The following FHOD3 variants were observed in gnomAD, a reference collection of about 807,000 sequenced individuals.
The protein encoded by FHOD3 is formin homology 2 domain containing 3.
In FHOD3, 90 loss-of-function variants were observed where a neutral mutation model predicts 173.0. That is an observed-to-expected ratio of 0.52 (90% CI 0.44 to 0.62). The LOEUF (loss-of-function observed/expected upper bound fraction) is 0.62. Among genes scored for constraint, FHOD3 ranks in the 20% least tolerant of loss-of-function variants. The pLI is 0.00. For synonymous variants in FHOD3, 828 were observed against 823.0 expected (o/e 1.01, Z -0.10); for missense variants, 1,945 against 2,034.7 (o/e 0.96, Z 0.85).
At chr18:36,414,067 G>C (rs1289354691) in intron 3 of FHOD3, among the ~76,000 whole-genome samples, 1 of 152,190 alleles carries the variant, frequency 6.6e-6, no homozygotes, top group Non-Finnish European at 1.5e-5. Context: ...AAGAGGACTT[G>C]AGGTTTTATA....
At chr18:36,728,584 G>A (rs543181349) in intron 19 of FHOD3, among the ~76,000 whole-genome samples, 1 of 150,432 alleles carries the variant, frequency 6.6e-6, no homozygotes, top group East Asian at 2.0e-4. Context: ...TTCAGTTGTT[G>A]TTGTTGGGTT....
At chr18:36,761,308 TGGC>T (rs2042867907) in intron 27 of FHOD3, among the ~76,000 whole-genome samples, 2 of 152,190 alleles carry the variant, frequency 1.3e-5, no homozygotes, top group Admixed American at 6.5e-5. Context: ...AACTTCAAAA[TGGC>T]GGCCAGATTC....
intron 5 of FHOD3, among the ~76,000 whole-genome samples, chr18:36,544,892 AAAC>A (rs1440632868): frequency 8.5e-5 from 13 of 152,218 alleles, no homozygotes; most frequent in African/African-American, 3.1e-4. Flanking sequence ...AAAATTAGAC[AAAC>A]AACCTAACTT....
At chr18:36,686,804 G>C (rs867703585) in intron 15 of FHOD3, among the ~76,000 whole-genome samples, 2 of 152,076 alleles carry the variant, frequency 1.3e-5, no homozygotes, top group Non-Finnish European at 2.9e-5. Context: ...GCTTGTTATT[G>C]CTGTATTTTA....
At chr18:36,400,670 TCTCA>T (rs1238231381) in intron 3 of FHOD3, among the ~76,000 whole-genome samples, 1 of 152,168 alleles carries the variant, frequency 6.6e-6, no homozygotes, top group African/African-American at 2.4e-5. Context: ...GTGGAGTTCT[TCTCA>T]CTCAGTGCAT....
intron 6 of FHOD3, among the ~76,000 whole-genome samples, chr18:36,592,722 C>T (rs1436225320): frequency 1.3e-5 from 2 of 152,122 alleles, no homozygotes; most frequent in Non-Finnish European, 2.9e-5. Context: ...GCAAACCCTT[C>T]CCAGTGCTTA....
chr18:36,326,755 A>G (rs1181853422), intron 1 of FHOD3, among the ~76,000 whole-genome samples: 1 of 152,160 alleles, frequency 6.6e-6, no homozygotes, highest in Non-Finnish European at 1.5e-5. Flanking sequence ...TGTCTCTTTT[A>G]TTTTTAAAAT....
chr18:36,492,098 G>A (rs1389139281), intron 3 of FHOD3, among the ~76,000 whole-genome samples: 1 of 152,176 alleles, frequency 6.6e-6, no homozygotes, highest in African/African-American at 2.4e-5. Context: ...GAATCTGGAT[G>A]ATATCTGATC....
In FHOD3 at chr18:36,612,075, G is replaced by C; in HGVS notation, c.937G>C (p.Glu313Gln). ...GAAAGGGACTGACCTGGACTTAGTG[G>C]AGCAACTCAACATTTATGAGGTACC... Reference protein sequence around the residue: ...NKKGTDLDLVEQLNIYEVALR... With the variant: ...NKKGTDLDLVQQLNIYEVALR... Residue 313 changes from glutamate to glutamine, a missense_variant, in exon 9 of 29, where the codon GAG becomes CAG. By Grantham distance (29) the Glu-to-Gln change is conservative. Transcript: ENST00000590592. 6.2e-7 allele frequency: 1 copy of C among 1,613,934 alleles called. No homozygotes were observed. Among genetic ancestry groups the C allele is most frequent in the African/African-American group, 1.3e-5 (1 of 75,028 alleles).
chr18:36,403,363 AGTTCCCTAATTCT>A (rs1418126554), intron 3 of FHOD3, among the ~76,000 whole-genome samples: 1 of 152,216 alleles, frequency 6.6e-6, no homozygotes, highest in Non-Finnish European at 1.5e-5. Context: ...TAGTTCACAA[AGTTCCCTAATTCT>A]GTTCCCACCT....
chr18:36,758,157 G>T (rs936647786), intron 25 of FHOD3, among the ~76,000 whole-genome samples: 2 of 152,220 alleles, frequency 1.3e-5, no homozygotes, highest in African/African-American at 4.8e-5. Context: ...AATGGAACAG[G>T]ACTGTTGTCT....
At chr18:36,503,976 G>A (rs1337697791) in intron 4 of FHOD3, among the ~76,000 whole-genome samples, 1 of 152,172 alleles carries the variant, frequency 6.6e-6, no homozygotes, top group African/African-American at 2.4e-5. Flanking sequence ...CCAGGCTGGA[G>A]TTAAGTGGTG....
At chr18:36,675,360 C>G (rs140350983) in intron 14 of FHOD3, among the ~76,000 whole-genome samples, 121 of 151,540 alleles carry the variant, frequency 8.0e-4, no homozygotes, top group African/African-American at 2.6e-3. Context: ...TTTTTTTTCT[C>G]CCTACAACTT....
intron 1 of FHOD3, among the ~76,000 whole-genome samples, chr18:36,325,544 C>T (rs2044626911): frequency 6.6e-6 from 1 of 152,182 alleles, no homozygotes; most frequent in Non-Finnish European, 1.5e-5. Context: ...CAGGAAGCAG[C>T]AGAATAGCCA....
intron 3 of FHOD3, among the ~76,000 whole-genome samples, chr18:36,378,596 CA>C (rs764259858): frequency 0.06 from 6,636 of 111,268 alleles, 468 homozygotes; most frequent in African/African-American, 0.21. Flanking sequence ...CCCTCTGCCA[CA>C]AAAAAAAAAA....
intron 13 of FHOD3, among the ~76,000 whole-genome samples, chr18:36,655,222 C>T (rs376843449): frequency 6.6e-6 from 1 of 152,154 alleles, no homozygotes; most frequent in East Asian, 1.9e-4. Context: ...CTTACACCTT[C>T]CAAGAACAAT....
At chr18:36,514,821 C>G (rs1330455360) in intron 5 of FHOD3, among the ~76,000 whole-genome samples, 2 of 152,208 alleles carry the variant, frequency 1.3e-5, no homozygotes, top group Non-Finnish European at 2.9e-5. Flanking sequence ...CTCACCCATT[C>G]CCTAGACCTC....
chr18:36,383,091 C>A (rs560913481), intron 3 of FHOD3, among the ~76,000 whole-genome samples: 1 of 152,146 alleles, frequency 6.6e-6, no homozygotes, highest in African/African-American at 2.4e-5. Flanking sequence ...CCTGTGCAGG[C>A]GGCTGTTTCC....
At chr18:36,773,054 C>A (rs1046279564) in intron 28 of FHOD3, among the ~76,000 whole-genome samples, 16 of 152,250 alleles carry the variant, frequency 1.1e-4, no homozygotes, top group Admixed American at 7.9e-4. Context: ...GGGCATCCCT[C>A]TCTCCAGAGC....
Sources: gnomAD v4.1 joint callset for allele counts (sites outside exome capture counted in the v4.1 genomes callset) on GRCh38, gnomAD v4.1.1 for gene constraint, MANE v1.5 for transcripts, NCBI Gene and HGNC (gene_info 2026-07-23, HGNC 2026-07-21) for gene names.